The following SS18L1 variants were observed in gnomAD, a reference collection of about 807,000 sequenced individuals.
SS18L1 encodes the protein calcium-responsive transactivator.
In SS18L1, 32 loss-of-function variants were observed where a neutral mutation model predicts 70.3. The ratio of observed to expected loss-of-function variants is 0.46; its 90% CI spans 0.34 to 0.61. The LOEUF (loss-of-function observed/expected upper bound fraction) is 0.61. Among genes scored for constraint, SS18L1 ranks in the 20% least tolerant of loss-of-function variants. The pLI is 0.01. For synonymous variants in SS18L1, 237 were observed against 229.7 expected (o/e 1.03, Z -0.29); for missense variants, 430 against 542.1 (o/e 0.79, Z 2.05).
At chr20:62,172,537 T>C in intron 8 of SS18L1, 145 bp from the exon 9 acceptor site, 3 of 1,205,030 alleles carry the variant, frequency 2.5e-6, no homozygotes, top group Non-Finnish European at 3.5e-6. Context: ...TAGTATAGTA[T>C]TTGAATGGTT....
intron 8 of SS18L1, among the ~76,000 whole-genome samples, chr20:62,167,038 GTTTGTTTTT>G (rs2057445885): frequency 9.0e-6 from 1 of 110,970 alleles, no homozygotes; most frequent in South Asian, 3.1e-4. Context: ...TCAGGAGTTT[GTTTGTTTTT>G]TTTTTTTTTT....
At chr20:62,164,105 G>C (rs1255861386) in intron 6 of SS18L1, 40 bp from the exon 7 acceptor site, 1 of 1,531,370 alleles carries the variant, frequency 6.5e-7, no homozygotes, top group East Asian at 2.5e-5. Context: ...GAGGGAGGAG[G>C]GCGCGGCCCG....
At chr20:62,151,856 T>C in intron 1 of SS18L1, among the ~76,000 whole-genome samples, 1 of 139,600 alleles carries the variant, frequency 7.2e-6, no homozygotes, top group African/African-American at 2.8e-5. Context: ...TCCCCTCTTT[T>C]CCCGCTCCCC....
In SS18L1 at chr20:62,165,432, T is replaced by C; in HGVS notation, c.834T>C (p.Asp278=). 1 of 1,612,460 alleles carries C rather than the reference T, an allele frequency of 6.2e-7. No individual in the cohort carries two copies. The highest frequency in any genetic ancestry group is 1.3e-5 in the African/African-American group (1 of 75,014). ...GQQYYPDGHG[D]YAYQQSSYTE... is the part of the protein sequence containing the mutation. ...CTCCGTTTCGCACAGGCCATGGCGA[T>C]TACGCCTACCAGCAGTCATCCTACA... is the stretch of plus-strand genomic sequence containing the variant. The change falls in exon 8 of 11, where the codon GAT becomes GAC. Residue 278 remains aspartate (D), a synonymous_variant. Transcript: ENST00000331758.
At chr20:62,176,161 A>C (rs2057616322) in intron 10 of SS18L1, among the ~76,000 whole-genome samples, 1 of 152,278 alleles carries the variant, frequency 6.6e-6, no homozygotes, top group Non-Finnish European at 1.5e-5. Flanking sequence ...TTTGTGAAAT[A>C]AGTGAATGTC....
At chr20:62,150,732 A>G (rs941033231) in intron 1 of SS18L1, among the ~76,000 whole-genome samples, 1 of 130,356 alleles carries the variant, frequency 7.7e-6, no homozygotes, top group Non-Finnish European at 1.5e-5. Context: ...CAGCTCGTGC[A>G]GCCTTGTCCT....
At position 62,158,652 on chromosome 20, in the gene SS18L1, C is replaced by T. The variant is rs140177843; in HGVS notation, c.70-20C>T. The T allele has an allele frequency of 1.4e-4, 219 of 1,611,208 alleles. No homozygotes were observed. In the African/African-American group the frequency reaches 1.6e-3, roughly 12 times the overall value. On this transcript the variant is annotated intron_variant, in intron 1 of 10. Coordinates refer to ENST00000331758, the MANE Select transcript of SS18L1 (RefSeq NM_198935.3). This position sits in a 1 kb window ranked among gnomAD's most constrained non-coding sequence, Gnocchi z 4.5. ...GCGACAGCCCCGCGTCGGCAGCGCC[C>T]GCTCACGCTCTCTCCGCAGATGCTG...
At chr20:62,167,310 T>C (rs1289765811) in intron 8 of SS18L1, among the ~76,000 whole-genome samples, 1 of 148,180 alleles carries the variant, frequency 6.7e-6, no homozygotes, top group Admixed American at 6.7e-5. Context: ...CCCAAAGTGC[T>C]GGGATTACAG....
chr20:62,164,279 G>T, intron 7 of SS18L1, 33 bp downstream of exon 7: 2 of 1,537,180 alleles, frequency 1.3e-6, no homozygotes, highest in Non-Finnish European at 1.8e-6. Context: ...CCCCGCCCAG[G>T]AACGCAGAGC....
chr20:62,155,780 G>T (rs1404167598), intron 1 of SS18L1, among the ~76,000 whole-genome samples: 2 of 152,184 alleles, frequency 1.3e-5, no homozygotes, highest in Non-Finnish European at 2.9e-5. Flanking sequence ...GCTCAGGCCA[G>T]GTGCCCTGGG....
chr20:62,180,730 T>C lies in SS18L1; in HGVS notation c.*1522T>C, dbSNP rs183124457. The C allele has an allele frequency of 1.6e-3, 256 of 159,408 alleles. 2 individuals carry two copies. The Middle Eastern group carries it at 0.017, about 11-fold the overall frequency. The allele number at this position is 159,408 out of a possible 1,614,324, so 9.9% of individuals were successfully genotyped here. On this transcript the variant is annotated 3_prime_UTR_variant, in exon 11 of 11. Coordinates refer to ENST00000331758, the MANE Select transcript of SS18L1 (RefSeq NM_198935.3). ...GACCAACATGGAGAAACCCCGTCCC[T>C]ACTAAAAATACAAAATTAGCCAGGT...
At chr20:62,151,041 C>T (rs2057120612) in intron 1 of SS18L1, among the ~76,000 whole-genome samples, 1 of 152,200 alleles carries the variant, frequency 6.6e-6, no homozygotes, top group Admixed American at 6.5e-5. Flanking sequence ...TGGGCTGAGC[C>T]AGCCCCGGCA....
At chr20:62,149,610 C>T (rs2057092074) in intron 1 of SS18L1, among the ~76,000 whole-genome samples, 1 of 152,242 alleles carries the variant, frequency 6.6e-6, no homozygotes, top group South Asian at 2.1e-4. Context: ...ATGTGTGCTT[C>T]GCCTTTCTGT....
At chr20:62,167,979 C>CTT (rs575045754) in intron 8 of SS18L1, among the ~76,000 whole-genome samples, 30 of 105,008 alleles carry the variant, frequency 2.9e-4, no homozygotes, top group Middle Eastern at 5.6e-3. Flanking sequence ...CCAGGCCTGG[C>CTT]TTTTTTTTTT....
At chr20:62,153,728 G>T (rs116319149) in intron 1 of SS18L1, among the ~76,000 whole-genome samples, 4 of 152,038 alleles carry the variant, frequency 2.6e-5, no homozygotes, top group African/African-American at 9.7e-5. Flanking sequence ...GTATTCTTCC[G>T]GGTTTCAGTC....
chr20:62,170,058 C>T (rs2057502835), intron 8 of SS18L1, among the ~76,000 whole-genome samples: 1 of 152,210 alleles, frequency 6.6e-6, no homozygotes, highest in African/African-American at 2.4e-5. Context: ...CGGCTTTGAG[C>T]GTCGTTCACA....
At position 62,165,414 on chromosome 20, in the gene SS18L1, TC is replaced by T. The variant is rs11478813; in HGVS notation, c.824-7del. The T allele has an allele frequency of 2.9e-3, 4,604 of 1,610,260 alleles. 69 individuals are homozygous for T. The African/African-American group carries it at 0.04, about 14-fold the overall frequency. ...TCCGCTGACTGTCGCCGTCTCCGTT[TC>T]GCACAGGCCATGGCGATTACGCCTA... On this transcript the variant is annotated splice_region_variant and splice_polypyrimidine_tract_variant and intron_variant, in intron 7 of 10. Transcript: ENST00000331758.
intron 1 of SS18L1, among the ~76,000 whole-genome samples, chr20:62,155,679 C>T (rs915204965): frequency 6.6e-6 from 1 of 152,192 alleles, no homozygotes; most frequent in African/African-American, 2.4e-5. Flanking sequence ...CCTCCTCCAA[C>T]CCCATCTCCT....
chr20:62,172,829 C>T, intron 9 of SS18L1, 28 bp downstream of exon 9: 1 of 1,605,918 alleles, frequency 6.2e-7, no homozygotes. Context: ...TCCTCGGGGC[C>T]CCCCAGCGCC....
Sources: gnomAD v4.1 joint callset for allele counts (sites outside exome capture counted in the v4.1 genomes callset) on GRCh38, gnomAD v4.1.1 for gene constraint, Gnocchi (gnomAD v3.1) non-coding constraint, MANE v1.5 for transcripts, NCBI Gene and HGNC (gene_info 2026-07-23, HGNC 2026-07-21) for gene names.